Variants in STX3 observed in about 807,000 individuals in gnomAD.
STX3 encodes syntaxin-3.
STX3 carries 19 observed loss-of-function variants against 40.2 expected under a neutral mutation model. The ratio of observed to expected loss-of-function variants is 0.47; its 90% CI spans 0.33 to 0.69. STX3 has a LOEUF of 0.69. Ranked by LOEUF, STX3 falls within the 30% of genes least tolerant of loss-of-function variation. STX3 has a pLI of 0.02. For synonymous variants in STX3, 122 were observed against 132.2 expected, an observed-to-expected ratio of 0.92 and a Z score of 0.53; for missense variants, 364 against 366.7, an observed-to-expected ratio of 0.99 and a Z score of 0.06.
rs1020937996 is a variant in STX3, at chr11:59,802,916, G to T, written c.*2092G>T. 87 of 985,444 alleles carry T rather than the reference G, an allele frequency of 8.8e-5. No individual in the cohort carries two copies. Among genetic ancestry groups the T allele is most frequent in the Admixed American group, 1.2e-4 (2 of 16,286 alleles). 61.0% of individuals were successfully genotyped at this position (985,444 alleles called of 1,614,324 possible). ...CAGATTTGAGGTGTTCCCCCCAAAA[G>T]AATTTGGTTCAGTCCTTGGGAGTAT... is the stretch of plus-strand genomic sequence containing the variant. On this transcript the variant is annotated 3_prime_UTR_variant, in exon 11 of 11. Coordinates refer to ENST00000337979, the MANE Select transcript of STX3 (RefSeq NM_004177.5).
chr11:59,781,019 A>G (rs899775404), intron 2 of STX3, among the ~76,000 whole-genome samples: 2 of 151,006 alleles, frequency 1.3e-5, no homozygotes, highest in Non-Finnish European at 2.9e-5. Context: ...TGCTTTTGGG[A>G]CTTGACTTCC....
chr11:59,758,202 C>T (rs934780761), intron 1 of STX3, among the ~76,000 whole-genome samples: 4 of 152,114 alleles, frequency 2.6e-5, no homozygotes, highest in African/African-American at 9.7e-5. Flanking sequence ...GTAGACAGAG[C>T]TGCCCAAGGA....
chr11:59,800,525 T>C, intron 10 of STX3: 2 of 985,370 alleles, frequency 2.0e-6, no homozygotes, highest in Non-Finnish European at 2.4e-6. Flanking sequence ...CTGCAGCCTG[T>C]CTTCAGGAGC....
chr11:59,800,648 G>C, intron 10 of STX3: 1 of 985,334 alleles, frequency 1.0e-6, no homozygotes, highest in African/African-American at 1.7e-5. Context: ...AGGCCTAGAG[G>C]CTTTTCTATT....
intron 1 of STX3, among the ~76,000 whole-genome samples, chr11:59,758,607 GTCTCA>G (rs1862862212): frequency 6.6e-6 from 1 of 152,136 alleles, no homozygotes; most frequent in Admixed American, 6.5e-5. Context: ...GACTCACCTG[GTCTCA>G]TCTCATCTCT....
Position 59,755,379 on chromosome 11 carries a change from T to G in STX3, c.-227T>G. 2.0e-5 allele frequency: 7 copies of G among 349,732 alleles called. No individual in the cohort carries two copies. The highest frequency in any genetic ancestry group is 4.8e-5 in the East Asian group (1 of 20,858). The allele number at this position is 349,732 out of a possible 1,614,324, so 21.7% of individuals were successfully genotyped here. A position where few individuals can be genotyped will look rare whatever the true frequency, so the allele number is the denominator to read the frequency against. On this transcript the variant is annotated 5_prime_UTR_variant, in exon 1 of 11. Transcript: ENST00000337979. ...CGCCGGCGCCGGCCCGGGAGCCGGA[T>G]TTGGAGCGCGAGGCGCCGGTGGGGG...
At chr11:59,797,536 G>A in intron 10 of STX3, 140 bp downstream of exon 10, 1 of 636,114 alleles carries the variant, frequency 1.6e-6, no homozygotes, top group Non-Finnish European at 2.7e-6. Flanking sequence ...GTAGCCTGTG[G>A]ATTCTTTATC....
At chr11:59,786,118 G>A (rs1256985778) in intron 2 of STX3, among the ~76,000 whole-genome samples, 1 of 152,190 alleles carries the variant, frequency 6.6e-6, no homozygotes, top group Non-Finnish European at 1.5e-5. Flanking sequence ...GGTCCTGATC[G>A]TCTGAGGAAA....
At position 59,795,446 on chromosome 11, in the gene STX3, G is replaced by GA; in HGVS notation, c.756dup (p.Ala253SerfsTer42). Reference sequence around the variant, plus strand: ...ACGTGGAGAAGGCACGAGATGAAACGAAAAAAGCTGTGAAATACCAGAGTC... The same window carrying GA: ...ACGTGGAGAAGGCACGAGATGAAACGAAAAAAAGCTGTGAAATACCAGAGTC... On this transcript the variant is annotated frameshift_variant, in exon 9 of 11. Transcript: ENST00000337979. LOFTEE classifies it high-confidence loss of function. 1 of 1,613,342 alleles carries GA rather than the reference G, an allele frequency of 6.2e-7. No individual in the cohort carries two copies. The highest frequency in any genetic ancestry group is 8.5e-7 in the Non-Finnish European group (1 of 1,179,718).
rs982558874 is a variant in STX3, at chr11:59,805,554, G to T, written c.*4730G>T. On this transcript the variant is annotated 3_prime_UTR_variant, in exon 11 of 11. Transcript: ENST00000337979. ...GGGGATAGAAGACTGCAGCTGGTTG[G>T]GTCTGGAAAACATTAATCTGGGCAA... The T allele has an allele frequency of 1.3e-5, 2 of 152,102 alleles. No individual in the cohort carries two copies. Among genetic ancestry groups the T allele is most frequent in the Non-Finnish European group, 2.9e-5 (2 of 68,020 alleles). 9.4% of individuals were successfully genotyped at this position (152,102 alleles called of 1,614,324 possible).
chr11:59,793,301 CAG>C (rs1865314843), intron 7 of STX3, 77 bp from the exon 8 acceptor site: 3 of 1,604,132 alleles, frequency 1.9e-6, no homozygotes, highest in South Asian at 2.2e-5. Flanking sequence ...AGGAGCTCCC[CAG>C]GAGCGTGCAT....
intron 5 of STX3, 74 bp from the exon 6 acceptor site, chr11:59,792,033 T>C (rs1865202707): frequency 8.6e-6 from 10 of 1,169,000 alleles, no homozygotes; most frequent in Non-Finnish European, 1.3e-5. Flanking sequence ...TAGATGGCTA[T>C]GTGGGGGTGG....
rs1445176274 is a variant in STX3, at chr11:59,803,028, T to C, written c.*2204T>C. 26 of 985,338 alleles carry C rather than the reference T, an allele frequency of 2.6e-5. No individual in the cohort carries two copies. Among genetic ancestry groups the C allele is most frequent in the Non-Finnish European group, 3.1e-5 (26 of 829,952 alleles). 61.0% of individuals were successfully genotyped at this position (985,338 alleles called of 1,614,324 possible). On this transcript the variant is annotated 3_prime_UTR_variant, in exon 11 of 11. Transcript: ENST00000337979. The stretch of plus-strand genomic sequence containing the variant: ...TACCAAACATCCTTTTAATCTAACT[T>C]GAATGTCTCACCAAAAATAACATTT...
intron 2 of STX3, chr11:59,781,683 A>C (rs1003833316): frequency 2.1e-5 from 34 of 1,603,586 alleles, no homozygotes; most frequent in Non-Finnish European, 2.9e-5. Flanking sequence ...GCTGTCCACC[A>C]GGCGCCATCT....
At position 59,769,676 on chromosome 11, in the gene STX3, G is replaced by A. The variant is rs775690349; in HGVS notation, c.31-3535G>A. On this transcript the variant is annotated intron_variant, in intron 1 of 10. Coordinates refer to ENST00000337979, the MANE Select transcript of STX3 (RefSeq NM_004177.5). ...GATACTAGGGGTCTCAAGAACTTAC[G>A]TCATGATGGAGTGATAAGTGTCTGC... Among the ~76,000 whole-genome samples, 39 of 152,142 alleles carry A rather than the reference G, an allele frequency of 2.6e-4. 1 individual carries two copies. Among genetic ancestry groups the A allele is most frequent in the Non-Finnish European group, 4.9e-4 (33 of 68,026 alleles).
chr11:59,766,593 C>G (rs967226448), intron 1 of STX3, among the ~76,000 whole-genome samples: 6 of 152,152 alleles, frequency 3.9e-5, no homozygotes, highest in Admixed American at 6.5e-5. Flanking sequence ...CACTGGAAAG[C>G]CAAGCCCCTC....
chr11:59,789,183 T>C, intron 4 of STX3: 1 of 372,242 alleles, frequency 2.7e-6, no homozygotes, highest in Non-Finnish European at 5.0e-6. Flanking sequence ...AGATGAGAAT[T>C]AAAATGTGCT....
At chr11:59,770,133 G>A (rs996129299) in intron 1 of STX3, among the ~76,000 whole-genome samples, 5 of 149,850 alleles carry the variant, frequency 3.3e-5, no homozygotes, top group African/African-American at 4.9e-5. Flanking sequence ...GAGTGTGTAC[G>A]TGTGCAGCAT....
Position 59,773,242 on chromosome 11 carries a change from C to A in STX3, c.62C>A (p.Ala21Glu), listed in dbSNP as rs745945451. The A allele has an allele frequency of 1.2e-6, 2 of 1,614,108 alleles. No homozygotes were observed. Among genetic ancestry groups the A allele is most frequent in the South Asian group, 2.2e-5 (2 of 91,088 alleles). ...KQLTQDDDTD[A>E]VEIAIDNTAF... is the part of the protein sequence containing the mutation. Reference sequence around the variant, plus strand: ...CTGACACAGGATGATGATACTGATGCGGTTGAGATTGCTATCGACAACACG... The same window carrying A: ...CTGACACAGGATGATGATACTGATGAGGTTGAGATTGCTATCGACAACACG... Residue 21 changes from alanine (A) to glutamate (E), a missense_variant, in exon 2 of 11, where the codon GCG becomes GAG. Transcript: ENST00000337979.
Sources: allele counts gnomAD v4.1 joint callset (sites outside exome capture counted in the v4.1 genomes callset), GRCh38; gene constraint gnomAD v4.1.1; transcripts MANE v1.5; gene names NCBI Gene and HGNC (gene_info 2026-07-23, HGNC 2026-07-21).